The following MTUS2 variants were observed in gnomAD, a reference collection of about 807,000 sequenced individuals.
The protein encoded by MTUS2 is microtubule associated scaffold protein 2.
Under a neutral mutation model 114.1 loss-of-function variants are expected in MTUS2, and 40 were observed. The observed-to-expected ratio is 0.35, with a 90% CI of 0.27 to 0.46. The LOEUF (loss-of-function observed/expected upper bound fraction) is 0.46, where lower values mean the gene tolerates loss of function less well. Among genes scored for constraint, MTUS2 ranks in the 20% least tolerant of loss-of-function variants. The probability of loss-of-function intolerance (pLI) is 1.00; values close to 1 mark genes in which losing one functional copy is unlikely to be tolerated. For missense variants in MTUS2, 1,679 were observed against 1,705.4 expected (o/e 0.98, Z 0.27); for synonymous variants, 688 against 672.0 (o/e 1.02, Z -0.37).
intron 8 of MTUS2, among the ~76,000 whole-genome samples, chr13:29,422,536 C>T (rs987182918): frequency 1.3e-5 from 2 of 151,916 alleles, no homozygotes; most frequent in Admixed American, 6.6e-5. Context: ...ATGTTTGTTG[C>T]TACTTCAATG....
At chr13:29,203,636 C>T (rs116520909) in intron 5 of MTUS2, among the ~76,000 whole-genome samples, 1 of 151,432 alleles carries the variant, frequency 6.6e-6, no homozygotes, top group Middle Eastern at 3.5e-3. Flanking sequence ...TGCTTCAAAT[C>T]CAGGGCCCTG....
intron 4 of MTUS2, among the ~76,000 whole-genome samples, chr13:29,068,503 C>T (rs1371167503): frequency 1.3e-5 from 2 of 151,814 alleles, no homozygotes; most frequent in Non-Finnish European, 2.9e-5. Flanking sequence ...TACTGTGCAT[C>T]AGATATCCTC....
chr13:29,460,762 G>T (rs1007129701), intron 9 of MTUS2, among the ~76,000 whole-genome samples: 1 of 152,142 alleles, frequency 6.6e-6, no homozygotes, highest in Non-Finnish European at 1.5e-5. Flanking sequence ...TCAAAGTGTG[G>T]TCCTTCTTTA....
At chr13:29,169,699 A>T (rs543198621) in intron 5 of MTUS2, among the ~76,000 whole-genome samples, 153 of 152,172 alleles carry the variant, frequency 1.0e-3, no homozygotes, top group Non-Finnish European at 2.0e-3. Context: ...CAAGTATTTA[A>T]TTTTTTCTTA....
At chr13:29,167,429 T>C (rs941584158) in intron 5 of MTUS2, among the ~76,000 whole-genome samples, 1 of 151,542 alleles carries the variant, frequency 6.6e-6, no homozygotes, top group Non-Finnish European at 1.5e-5. Context: ...TTTCTTTTTT[T>C]TTTTTTAAAT....
intron 2 of MTUS2, among the ~76,000 whole-genome samples, chr13:28,922,974 G>T (rs149231285): frequency 6.6e-6 from 1 of 152,050 alleles, no homozygotes; most frequent in Non-Finnish European, 1.5e-5. Flanking sequence ...AAACTCCAGC[G>T]ATACAAATGT....
chr13:29,193,345 A>G (rs1894526229), intron 5 of MTUS2, among the ~76,000 whole-genome samples: 3 of 152,244 alleles, frequency 2.0e-5, no homozygotes, highest in South Asian at 2.1e-4. Flanking sequence ...AATGAGTCTT[A>G]AGAGCTACAG....
chr13:28,973,905 A>G (rs1452242787), intron 2 of MTUS2, among the ~76,000 whole-genome samples: 2 of 152,156 alleles, frequency 1.3e-5, no homozygotes, highest in Non-Finnish European at 2.9e-5. Context: ...CGGGTATGTG[A>G]TGTGTTGCAC....
At chr13:29,302,829 C>T (rs1468777323) in intron 6 of MTUS2, among the ~76,000 whole-genome samples, 2 of 152,214 alleles carry the variant, frequency 1.3e-5, no homozygotes, top group Admixed American at 1.3e-4. Context: ...GGGTGGATCC[C>T]TGATACCATT....
chr13:29,276,243 A>G (rs1379999371), intron 5 of MTUS2, among the ~76,000 whole-genome samples: 1 of 152,236 alleles, frequency 6.6e-6, no homozygotes, highest in Non-Finnish European at 1.5e-5. Flanking sequence ...CTAACAGTTT[A>G]ATGAGAAAAT....
At chr13:29,309,252 A>G (rs1375133907) in intron 6 of MTUS2, among the ~76,000 whole-genome samples, 8 of 152,234 alleles carry the variant, frequency 5.3e-5, no homozygotes, top group Admixed American at 5.2e-4. Flanking sequence ...ATGCAGCCAT[A>G]AAAAGGAATG....
At chr13:29,465,289 G>A (rs893770809) in intron 9 of MTUS2, among the ~76,000 whole-genome samples, 1 of 152,162 alleles carries the variant, frequency 6.6e-6, no homozygotes, top group Non-Finnish European at 1.5e-5. Flanking sequence ...GGGAAGTCCT[G>A]GTGCAATCCT....
intron 9 of MTUS2, among the ~76,000 whole-genome samples, chr13:29,464,917 C>T (rs1879779515): frequency 6.6e-6 from 1 of 152,160 alleles, no homozygotes; most frequent in East Asian, 1.9e-4. Flanking sequence ...AATTCTAACG[C>T]ATGCTCGAGT....
At chr13:29,490,824 G>A (rs1421797885) in intron 11 of MTUS2, among the ~76,000 whole-genome samples, 1 of 152,284 alleles carries the variant, frequency 6.6e-6, no homozygotes, top group Non-Finnish European at 1.5e-5. Flanking sequence ...TGGCTGCTTC[G>A]CAGTGGGAAG....
At chr13:29,497,668 A>C (rs750416405) in intron 13 of MTUS2, 5 of 304,722 alleles carry the variant, frequency 1.6e-5, no homozygotes, top group Non-Finnish European at 3.1e-5. Context: ...TTCTCCCGCA[A>C]CTTTTTAAGC....
chr13:29,479,146 C>G (rs979065753), intron 9 of MTUS2, among the ~76,000 whole-genome samples: 3 of 152,242 alleles, frequency 2.0e-5, no homozygotes, highest in African/African-American at 7.2e-5. Flanking sequence ...ACCTGCTCAA[C>G]TCTATTTTAA....
At chr13:29,356,013 T>TCTA (rs1205477271) in intron 7 of MTUS2, among the ~76,000 whole-genome samples, 1 of 151,638 alleles carries the variant, frequency 6.6e-6, no homozygotes, top group East Asian at 2.0e-4. Context: ...TTGGAAAGAG[T>TCTA]CTAAGTAGGT....
At chr13:29,011,898 A>G (rs907893074) in intron 2 of MTUS2, among the ~76,000 whole-genome samples, 1 of 152,222 alleles carries the variant, frequency 6.6e-6, no homozygotes, top group African/African-American at 2.4e-5. Flanking sequence ...TTCATTTGAC[A>G]GAAGAAAGGA....
intron 2 of MTUS2, among the ~76,000 whole-genome samples, chr13:28,910,516 C>G (rs952384328): frequency 1.3e-5 from 2 of 152,180 alleles, no homozygotes; most frequent in South Asian, 4.2e-4. Flanking sequence ...ATTACCTGTT[C>G]TTTCTTTTCC....
Sources: gnomAD v4.1 joint callset for allele counts (sites outside exome capture counted in the v4.1 genomes callset) on GRCh38, gnomAD v4.1.1 for gene constraint, MANE v1.5 for transcripts, NCBI Gene and HGNC (gene_info 2026-07-23, HGNC 2026-07-21) for gene names.